The following SNTG2 variants were observed in gnomAD, a reference collection of about 807,000 sequenced individuals.
SNTG2 encodes the protein syntrophin gamma 2, also known as gamma-2-syntrophin.
In SNTG2, 74 loss-of-function variants were observed where a neutral mutation model predicts 70.9. The observed-to-expected ratio is 1.04, with a 90% confidence interval of 0.86 to 1.27. SNTG2 has a LOEUF of 1.27. SNTG2 is among the 50% of genes most tolerant of loss of function. The probability of loss-of-function intolerance (pLI) is 0.00; values close to 1 mark genes in which losing one functional copy is unlikely to be tolerated. For synonymous variants in SNTG2, 278 were observed against 273.8 expected (o/e 1.02, Z -0.15); for missense variants, 717 against 690.7 (o/e 1.04, Z -0.43).
At chr2:1,147,654 C>T (rs374108309) in intron 6 of SNTG2, among the ~76,000 whole-genome samples, 5 of 152,128 alleles carry the variant, frequency 3.3e-5, no homozygotes, top group African/African-American at 1.2e-4. Flanking sequence ...CTCTAGAGAA[C>T]CCTGACAAAT....
chr2:1,088,205 T>G (rs1197215928), intron 2 of SNTG2, among the ~76,000 whole-genome samples: 2 of 152,252 alleles, frequency 1.3e-5, no homozygotes, highest in Non-Finnish European at 2.9e-5. Flanking sequence ...ATTGGACACT[T>G]TATCAGCATT....
chr2:1,293,983 G>T (rs541369758), intron 14 of SNTG2, among the ~76,000 whole-genome samples: 2 of 152,184 alleles, frequency 1.3e-5, no homozygotes, highest in South Asian at 4.1e-4. Context: ...ACAGCCCAAC[G>T]CTGGGGTCCA....
chr2:1,346,749 A>C (rs1009763392), intron 16 of SNTG2, among the ~76,000 whole-genome samples: 1 of 152,138 alleles, frequency 6.6e-6, no homozygotes, highest in Admixed American at 6.5e-5. Flanking sequence ...ACAGAATCTC[A>C]TGTGAACCGT....
At chr2:1,121,562 G>A (rs1355389000) in intron 4 of SNTG2, among the ~76,000 whole-genome samples, 1 of 146,480 alleles carries the variant, frequency 6.8e-6, no homozygotes, top group African/African-American at 2.4e-5. Context: ...ATGAAGGAAA[G>A]TGTTTGACTC....
rs375575683 is a variant in SNTG2 at position 953,977 on chromosome 2, C to T, written c.72+2909C>T. On this transcript the variant is annotated intron_variant, in intron 1 of 16. Coordinates refer to ENST00000308624, the MANE Select transcript of SNTG2 (RefSeq NM_018968.4). ...GCAGAGGGGCTGGCATTGCAGTTCT[C>T]GGTGACAGAGGGTGTGTTTGCATCG... Among the ~76,000 whole-genome samples, 19 of 152,072 alleles carry T rather than the reference C, an allele frequency of 1.2e-4. No homozygotes were observed. In the South Asian group the frequency reaches 1.3e-3, roughly 10 times the overall value.
intron 1 of SNTG2, among the ~76,000 whole-genome samples, chr2:993,203 C>T (rs1661561323): frequency 6.7e-6 from 1 of 150,096 alleles, no homozygotes; most frequent in Non-Finnish European, 1.5e-5. Flanking sequence ...TTAGGTATAT[C>T]TCCCAATGCT....
chr2:1,262,800 T>C (rs1325795561), intron 13 of SNTG2: 1 of 150,706 alleles, frequency 6.6e-6, no homozygotes, highest in Non-Finnish European at 1.5e-5. Context: ...ACCGGAAGGC[T>C]CGGTCCAGAC....
intron 1 of SNTG2, among the ~76,000 whole-genome samples, chr2:1,057,022 G>C (rs899248866): frequency 6.6e-6 from 1 of 151,694 alleles, no homozygotes; most frequent in Non-Finnish European, 1.5e-5. Context: ...GCAGCGCTGT[G>C]CTGCGGGGAA....
chr2:1,177,957 T>C (rs1038364046), intron 8 of SNTG2, among the ~76,000 whole-genome samples: 2 of 152,222 alleles, frequency 1.3e-5, no homozygotes, highest in Non-Finnish European at 2.9e-5. Flanking sequence ...TGTTGGAATT[T>C]GGGACAATAA....
chr2:1,168,153 A>G (rs57976143), intron 7 of SNTG2, among the ~76,000 whole-genome samples: 2,437 of 116,462 alleles, frequency 0.021, 105 homozygotes, highest in African/African-American at 0.051. Context: ...GAAACCTACA[A>G]GCCGCCCACA....
rs557025433 is a variant in SNTG2, at chr2:1,161,886, A to G, written c.412-3662A>G. 5.3e-5 allele frequency among the ~76,000 whole-genome samples: 8 copies of G among 152,176 alleles called. No homozygotes were observed. In the East Asian group the frequency reaches 1.6e-3, roughly 30 times the overall value. On this transcript the variant is annotated intron_variant, in intron 6 of 16. Coordinates refer to ENST00000308624, the MANE Select transcript of SNTG2 (RefSeq NM_018968.4). Reference sequence around the variant, plus strand: ...TCAGGAGATCGAGACCATCCTGGCTAACACGGTGAAACCCCGTCTCTACTA... The same window carrying G: ...TCAGGAGATCGAGACCATCCTGGCTGACACGGTGAAACCCCGTCTCTACTA...
intron 1 of SNTG2, among the ~76,000 whole-genome samples, chr2:1,055,444 C>T (rs1177199375): frequency 1.3e-5 from 2 of 151,944 alleles, no homozygotes; most frequent in Non-Finnish European, 2.9e-5. Flanking sequence ...GTCTGATGAC[C>T]CACACAGAAA....
At chr2:1,088,612 C>T (rs1006645056) in intron 2 of SNTG2, among the ~76,000 whole-genome samples, 2 of 152,292 alleles carry the variant, frequency 1.3e-5, no homozygotes, top group South Asian at 4.1e-4. Flanking sequence ...CAACTGCATT[C>T]GGAGCTTTCA....
rs1251707938 is a variant in SNTG2, at chr2:1,320,539, AAAAAAAAAAAAAAGAAAG to A, written c.1488+4172_1488+4189del. ...GACAGAGCGAGACTCCTTCTCAAAA[AAAAAAAAAAAAAAGAAAG>A]AAAAAAAGAAAAGAAAGAAAAAAAT... On this transcript the variant is annotated intron_variant, in intron 16 of 16. Coordinates refer to ENST00000308624, the MANE Select transcript of SNTG2 (RefSeq NM_018968.4). Among the ~76,000 whole-genome samples, 421 of 151,166 alleles carry A rather than the reference AAAAAAAAAAAAAAGAAAG, an allele frequency of 2.8e-3. 3 individuals are homozygous for A. The highest frequency in any genetic ancestry group is 9.6e-3 in the African/African-American group (397 of 41,348).
rs186450324 is a variant in SNTG2 at position 1,033,350 on chromosome 2, G to T, written c.73-50168G>T. Among the ~76,000 whole-genome samples the T allele has an allele frequency of 5.5e-4, 83 of 152,196 alleles. 1 individual carries two copies. Among genetic ancestry groups the T allele is most frequent in the Admixed American group, 1.2e-3 (18 of 15,296 alleles). ...GTCCAGAGAGTAGAGCCTTCCAGGG[G>T]GTTGCTGGTCAGATCCAATTCTGAC... On this transcript the variant is annotated intron_variant, in intron 1 of 16. Coordinates refer to ENST00000308624, the MANE Select transcript of SNTG2 (RefSeq NM_018968.4).
chr2:1,170,857 G>A (rs1341443905), intron 7 of SNTG2, among the ~76,000 whole-genome samples: 1 of 152,056 alleles, frequency 6.6e-6, no homozygotes, highest in Non-Finnish European at 1.5e-5. Flanking sequence ...TTCCCACCGA[G>A]TGGATGCCGA....
chr2:1,294,994 G>A (rs182619834), intron 14 of SNTG2, among the ~76,000 whole-genome samples: 223 of 152,288 alleles, frequency 1.5e-3, no homozygotes, highest in African/African-American at 4.2e-3. Context: ...GGCGTTTGAC[G>A]CAGGCTGTCT....
chr2:1,044,331 A>C (rs1474468865), intron 1 of SNTG2, among the ~76,000 whole-genome samples: 2 of 152,134 alleles, frequency 1.3e-5, no homozygotes, highest in Admixed American at 1.3e-4. Flanking sequence ...TTCTAGATAT[A>C]AAATCATATC....
At chr2:1,163,007 C>T (rs569017475) in intron 6 of SNTG2, among the ~76,000 whole-genome samples, 4 of 152,318 alleles carry the variant, frequency 2.6e-5, no homozygotes, top group Admixed American at 6.5e-5. Context: ...TGACTCAGCC[C>T]TATGGGGGCC....
Sources: gnomAD v4.1 joint callset for allele counts (sites outside exome capture counted in the v4.1 genomes callset) on GRCh38, gnomAD v4.1.1 for gene constraint, MANE v1.5 for transcripts, NCBI Gene and HGNC (gene_info 2026-07-23, HGNC 2026-07-21) for gene names.